The following DNAH9 variants were observed in gnomAD, a reference collection of about 807,000 sequenced individuals.
DNAH9 encodes DNAH9 variant protein.
A neutral mutation model predicts 471.6 loss-of-function variants in DNAH9; 345 were observed. That is an observed-to-expected ratio of 0.73 (90% CI 0.67 to 0.80). The LOEUF (loss-of-function observed/expected upper bound fraction) is 0.80. Among genes scored for constraint, DNAH9 ranks in the 30% least tolerant of loss-of-function variants. The probability of loss-of-function intolerance (pLI) is 0.00; values close to 1 mark genes in which losing one functional copy is unlikely to be tolerated. For missense variants in DNAH9, 5,407 were observed against 5,609.2 expected, an observed-to-expected ratio of 0.96 and a Z score of 1.15; for synonymous variants, 2,093 against 2,123.6, an observed-to-expected ratio of 0.99 and a Z score of 0.40.
intron 41 of DNAH9, among the ~76,000 whole-genome samples, chr17:11,787,693 G>A (rs1200388820): frequency 1.3e-5 from 2 of 152,104 alleles, no homozygotes; most frequent in African/African-American, 2.4e-5. Flanking sequence ...ATCTTGAATT[G>A]TACTCCCATA....
intron 14 of DNAH9, among the ~76,000 whole-genome samples, chr17:11,657,853 TA>T (rs547781696): frequency 8.5e-4 from 130 of 152,050 alleles, no homozygotes; most frequent in African/African-American, 2.8e-3. Context: ...AAAATATTAA[TA>T]AAAAATATAT....
At chr17:11,918,366 G>A (rs547071091) in intron 61 of DNAH9, among the ~76,000 whole-genome samples, 3 of 152,014 alleles carry the variant, frequency 2.0e-5, no homozygotes, top group African/African-American at 7.2e-5. Flanking sequence ...CAGGTAGCTG[G>A]ACTATAGGCA....
chr17:11,860,857 T>C (rs1731831349), intron 50 of DNAH9, among the ~76,000 whole-genome samples: 1 of 152,018 alleles, frequency 6.6e-6, no homozygotes, highest in South Asian at 2.1e-4. Context: ...CACTGCGCCC[T>C]GCCAGAACAC....
intron 67 of DNAH9, among the ~76,000 whole-genome samples, chr17:11,959,136 A>G (rs557170916): frequency 6.6e-6 from 1 of 152,362 alleles, no homozygotes; most frequent in South Asian, 2.1e-4. Flanking sequence ...TGTCAACTTA[A>G]AGGATATCCA....
At chr17:11,684,385 A>G (rs910959799) in intron 19 of DNAH9, among the ~76,000 whole-genome samples, 4 of 152,066 alleles carry the variant, frequency 2.6e-5, no homozygotes, top group Non-Finnish European at 5.9e-5. Context: ...TTATAACACC[A>G]TATTTCGGTG....
At chr17:11,779,629 A>G (rs536793499) in intron 38 of DNAH9, among the ~76,000 whole-genome samples, 52 of 152,306 alleles carry the variant, frequency 3.4e-4, no homozygotes, top group African/African-American at 1.2e-3. Context: ...TTTGAATATC[A>G]TTGCCTTGGG....
chr17:11,647,336 G>C (rs958945911), intron 12 of DNAH9, 138 bp downstream of exon 12: 1 of 796,776 alleles, frequency 1.3e-6, no homozygotes, highest in African/African-American at 1.7e-5. Flanking sequence ...GCAGTGGCGC[G>C]ATCTCAGCTC....
chr17:11,607,558 T>A (rs1211315975), intron 1 of DNAH9, among the ~76,000 whole-genome samples: 2 of 151,404 alleles, frequency 1.3e-5, no homozygotes, highest in African/African-American at 4.9e-5. Context: ...TGATAAAGAG[T>A]TTTTTGTTTT....
At chr17:11,682,973 T>C (rs2074161821) in intron 19 of DNAH9, among the ~76,000 whole-genome samples, 1 of 152,206 alleles carries the variant, frequency 6.6e-6, no homozygotes, top group African/African-American at 2.4e-5. Flanking sequence ...TTTCAGAGTC[T>C]GAGGCTTATT....
intron 23 of DNAH9, among the ~76,000 whole-genome samples, chr17:11,700,522 T>A (rs1448336432): frequency 6.6e-6 from 1 of 152,078 alleles, no homozygotes; most frequent in Non-Finnish European, 1.5e-5. Flanking sequence ...TTATTTATCG[T>A]CTGAAATGAT....
At chr17:11,746,841 C>T (rs1482273030) in intron 31 of DNAH9, among the ~76,000 whole-genome samples, 3 of 152,122 alleles carry the variant, frequency 2.0e-5, no homozygotes, top group East Asian at 3.8e-4. Flanking sequence ...TTCTCAGACT[C>T]ATAAATGTTA....
chr17:11,906,688 TA>T (rs1469141535), intron 61 of DNAH9, among the ~76,000 whole-genome samples: 1 of 150,468 alleles, frequency 6.6e-6, no homozygotes, highest in African/African-American at 2.5e-5. Flanking sequence ...TATGCAGCCA[TA>T]AAAAGGAATG....
Position 11,937,530 on chromosome 17 carries a change from TGG to T in DNAH9, c.12660+9_12660+10del. ...GCCACAAGAGAAGAAAAGGTGTGTGTGGTGGGGACTGCCTGAGGTCGTTCTGG... is the reference window on the plus strand; with the variant it reads ...GCCACAAGAGAAGAAAAGGTGTGTGTTGGGGACTGCCTGAGGTCGTTCTGG... On this transcript the variant is annotated intron_variant, in intron 66 of 68. Transcript: ENST00000262442. The surrounding 1 kb of genome is among the most constrained non-coding windows in gnomAD (Gnocchi z 4.1). 6.2e-7 allele frequency: 1 copy of T among 1,605,144 alleles called. No individual in the cohort carries two copies. Among genetic ancestry groups the T allele is most frequent in the South Asian group, 1.1e-5 (1 of 90,294 alleles).
intron 49 of DNAH9, 35 bp downstream of exon 49, chr17:11,834,933 C>T: frequency 6.2e-7 from 1 of 1,601,712 alleles, no homozygotes; most frequent in Non-Finnish European, 8.5e-7. Flanking sequence ...GCTCATCCCT[C>T]AGGGGCTGGT....
At chr17:11,829,692 C>G (rs1597707162) in intron 48 of DNAH9, among the ~76,000 whole-genome samples, 2 of 152,278 alleles carry the variant, frequency 1.3e-5, no homozygotes, top group East Asian at 3.9e-4. Flanking sequence ...AGGCTGGTCT[C>G]AAACTCTTGG....
At chr17:11,606,448 C>CTTTTTTTTTTTTTTTTT (rs1156988834) in intron 1 of DNAH9, among the ~76,000 whole-genome samples, 1 of 97,030 alleles carries the variant, frequency 1.0e-5, no homozygotes, top group African/African-American at 4.4e-5. Context: ...CTTTTCTTTT[C>CTTTTTTTTTTTTTTTTT]TTTTCTTTTT....
intron 55 of DNAH9, chr17:11,883,311 T>C: frequency 8.6e-7 from 1 of 1,164,160 alleles, no homozygotes; most frequent in Non-Finnish European, 1.1e-6. Flanking sequence ...GTGTTGCCCA[T>C]TGTGCATTAA....
At chr17:11,864,646 T>C (rs2150980473) in intron 50 of DNAH9, among the ~76,000 whole-genome samples, 1 of 152,290 alleles carries the variant, frequency 6.6e-6, no homozygotes, top group African/African-American at 2.4e-5. Flanking sequence ...ATTATTAATG[T>C]GTGGGAGTCT....
intron 4 of DNAH9, among the ~76,000 whole-genome samples, chr17:11,614,600 G>A (rs952854710): frequency 6.6e-6 from 1 of 152,168 alleles, no homozygotes; most frequent in Admixed American, 6.5e-5. Flanking sequence ...CCACAGCCTG[G>A]GTAATTTATA....
Sources: gnomAD v4.1 joint callset for allele counts (sites outside exome capture counted in the v4.1 genomes callset) on GRCh38, gnomAD v4.1.1 for gene constraint, Gnocchi (gnomAD v3.1) non-coding constraint, MANE v1.5 for transcripts, NCBI Gene and HGNC (gene_info 2026-07-23, HGNC 2026-07-21) for gene names.